BTBD8: variants seen among roughly 807,000 people sequenced by gnomAD.
BTBD8 encodes the protein BTB/POZ domain-containing protein 8.
BTBD8 carries 110 observed loss-of-function variants against 162.9 expected under a neutral mutation model. The observed-to-expected ratio is 0.68, with a 90% CI of 0.58 to 0.79. BTBD8 has a LOEUF of 0.79. Ranked by LOEUF, BTBD8 falls within the 30% of genes least tolerant of loss-of-function variation. The pLI is 0.00. For synonymous variants in BTBD8, 667 were observed against 716.1 expected (o/e 0.93, Z 1.10); for missense variants, 1,905 against 2,085.4 (o/e 0.91, Z 1.68).
chr1:92,136,216 A>G (rs1649628228), intron 5 of BTBD8, among the ~76,000 whole-genome samples: 1 of 152,218 alleles, frequency 6.6e-6, no homozygotes, highest in South Asian at 2.1e-4. Flanking sequence ...AAGTGCCCTA[A>G]TAAGCCATTT....
intron 2 of BTBD8, among the ~76,000 whole-genome samples, chr1:92,089,439 C>T (rs1056554667): frequency 4.6e-5 from 7 of 152,094 alleles, no homozygotes; most frequent in East Asian, 1.9e-4. Context: ...AAAAATATAA[C>T]GTCATAACTG....
At chr1:92,171,557 C>A in intron 13 of BTBD8, 97 bp downstream of exon 13, 1 of 736,370 alleles carries the variant, frequency 1.4e-6, no homozygotes, top group South Asian at 3.4e-5. Context: ...AAAATCTATT[C>A]ATTAATTGAA....
intron 2 of BTBD8, among the ~76,000 whole-genome samples, chr1:92,091,287 C>T (rs921762239): frequency 6.6e-6 from 1 of 152,142 alleles, no homozygotes; most frequent in Admixed American, 6.5e-5. Context: ...CTTTCTTCTT[C>T]GCCTTCTGCC....
chr1:92,181,116 G>A lies in BTBD8; in HGVS notation c.3433G>A (p.Val1145Ile). The change falls in exon 17 of 18, where the codon GTT becomes ATT. Residue 1145 changes from valine (V) to isoleucine (I), a missense_variant. By Grantham distance (29) the Val-to-Ile change is conservative. This residue lies in a region of BTBD8 where 1,374 missense variants were observed against 1,442.7 expected (regional missense o/e 0.95). Coordinates refer to ENST00000636805, the MANE Select transcript of BTBD8 (RefSeq NM_001376131.1). The part of the protein sequence containing the change: ...KQSSIKCVED[V>I]SLCNPERTNG... Reference sequence around the variant, plus strand: ...ATCAAGTATTAAATGTGTGGAAGATGTTTCACTGTGTAATCCTGAAAGGAC... The same window carrying A: ...ATCAAGTATTAAATGTGTGGAAGATATTTCACTGTGTAATCCTGAAAGGAC... The A allele has an allele frequency of 2.6e-6, 4 of 1,551,596 alleles. No homozygotes were observed. Among genetic ancestry groups the A allele is most frequent in the Non-Finnish European group, 2.6e-6 (3 of 1,146,966 alleles).
At chr1:92,126,237 C>A in intron 4 of BTBD8, 3 of 570,486 alleles carry the variant, frequency 5.3e-6, no homozygotes, top group South Asian at 2.8e-5. Flanking sequence ...TATGCTGCAA[C>A]GTTGATAAGA....
At chr1:92,082,727 G>A (rs1192313887) in intron 1 of BTBD8, among the ~76,000 whole-genome samples, 1 of 152,122 alleles carries the variant, frequency 6.6e-6, no homozygotes, top group African/African-American at 2.4e-5. Context: ...AGGAAAAGTG[G>A]GAGACAGTTT....
intron 2 of BTBD8, among the ~76,000 whole-genome samples, chr1:92,091,833 G>A (rs942912318): frequency 2.6e-5 from 4 of 152,102 alleles, no homozygotes; most frequent in South Asian, 2.1e-4. Context: ...CATGTATTGC[G>A]TAAGGAAGGG....
rs183883888 is a variant in BTBD8 at position 92,145,752 on chromosome 1, C to T, written c.931-1428C>T. Among the ~76,000 whole-genome samples the T allele has an allele frequency of 2.7e-3, 414 of 152,184 alleles. 1 individual carries two copies. Among genetic ancestry groups the T allele is most frequent in the Middle Eastern group, 3.4e-3 (1 of 294 alleles). On this transcript the variant is annotated intron_variant, in intron 7 of 17. Transcript: ENST00000636805. The stretch of plus-strand genomic sequence containing the variant: ...ATCCCAGCACTTTGGGAGGCCAAGG[C>T]GGGTGGATCACGAGACCAGGAGTTC...
intron 4 of BTBD8, chr1:92,125,772 G>T (rs1649339140): frequency 2.3e-6 from 1 of 426,516 alleles, no homozygotes. Flanking sequence ...TGATATATTT[G>T]ATGCCATATT....
chr1:92,100,655 G>GC (rs1055590930), intron 2 of BTBD8, among the ~76,000 whole-genome samples: 1 of 152,012 alleles, frequency 6.6e-6, no homozygotes, highest in Non-Finnish European at 1.5e-5. Flanking sequence ...TGTCACCCAG[G>GC]CTGGAGTACA....
At chr1:92,153,410 C>T (rs1407376144) in intron 9 of BTBD8, among the ~76,000 whole-genome samples, 2 of 152,178 alleles carry the variant, frequency 1.3e-5, no homozygotes, top group Non-Finnish European at 2.9e-5. Context: ...TATCTATGCT[C>T]TTAACAAATT....
At chr1:92,083,890 A>G (rs1233032265) in intron 1 of BTBD8, among the ~76,000 whole-genome samples, 1 of 152,220 alleles carries the variant, frequency 6.6e-6, no homozygotes, top group African/African-American at 2.4e-5. Flanking sequence ...GACATTTGAA[A>G]GGGAAACATG....
intron 3 of BTBD8, among the ~76,000 whole-genome samples, chr1:92,103,858 C>T (rs1648658360): frequency 6.6e-6 from 1 of 152,180 alleles, no homozygotes; most frequent in Non-Finnish European, 1.5e-5. Context: ...TGGTGCTCTG[C>T]TCAGACAGGT....
intron 9 of BTBD8, among the ~76,000 whole-genome samples, chr1:92,155,276 T>C (rs1317602187): frequency 6.6e-6 from 1 of 152,230 alleles, no homozygotes; most frequent in Non-Finnish European, 1.5e-5. Context: ...AATTGTGTTT[T>C]CTATTTCTAT....
intron 4 of BTBD8, among the ~76,000 whole-genome samples, chr1:92,116,372 T>C (rs1445298194): frequency 6.6e-6 from 1 of 152,112 alleles, no homozygotes; most frequent in Non-Finnish European, 1.5e-5. Flanking sequence ...TGCTCAAGTT[T>C]TATGTATCCT....
intron 1 of BTBD8, among the ~76,000 whole-genome samples, chr1:92,081,839 G>T (rs561289760): frequency 6.6e-6 from 1 of 152,328 alleles, no homozygotes; most frequent in African/African-American, 2.4e-5. Flanking sequence ...CTCCCAAAAT[G>T]CTGGGATTAC....
intron 4 of BTBD8, among the ~76,000 whole-genome samples, chr1:92,123,638 A>G (rs1649272572): frequency 6.6e-6 from 1 of 151,976 alleles, no homozygotes; most frequent in African/African-American, 2.4e-5. Context: ...GTTCATTATT[A>G]CACTAAATCA....
intron 4 of BTBD8, among the ~76,000 whole-genome samples, chr1:92,128,829 A>G (rs1014345337): frequency 6.6e-6 from 1 of 152,054 alleles, no homozygotes; most frequent in African/African-American, 2.4e-5. Flanking sequence ...GCATTTTTCC[A>G]TCTGCGTGCA....
At chr1:92,096,184 G>C (rs1364560404) in intron 2 of BTBD8, among the ~76,000 whole-genome samples, 3 of 152,064 alleles carry the variant, frequency 2.0e-5, no homozygotes, top group Non-Finnish European at 4.4e-5. Flanking sequence ...GGCCAGGCTG[G>C]TCTCGAGCTC....
Sources: allele counts gnomAD v4.1 joint callset (sites outside exome capture counted in the v4.1 genomes callset), GRCh38; gene constraint gnomAD v4.1.1; regional missense constraint gnomAD v4.1.1; transcripts MANE v1.5; gene names NCBI Gene and HGNC (gene_info 2026-07-23, HGNC 2026-07-21).